The following IQCM variants were observed in gnomAD, a reference collection of about 807,000 sequenced individuals.
IQCM encodes the protein IQ motif containing M.
A neutral mutation model predicts 57.6 loss-of-function variants in IQCM; 45 were observed. The ratio of observed to expected loss-of-function variants is 0.78; its 90% CI spans 0.62 to 1.00. The LOEUF is 1.00. Among genes scored for constraint, IQCM ranks in the 50% least tolerant of loss-of-function variants. The pLI is 0.00. For synonymous variants in IQCM, 148 were observed against 158.9 expected, an observed-to-expected ratio of 0.93 and a Z score of 0.51; for missense variants, 468 against 511.6, an observed-to-expected ratio of 0.91 and a Z score of 0.82.
intron 2 of IQCM, among the ~76,000 whole-genome samples, chr4:149,778,360 A>AG (rs1771300463): frequency 6.6e-6 from 1 of 152,152 alleles, no homozygotes; most frequent in Non-Finnish European, 1.5e-5. Flanking sequence ...TGGAAGACAG[A>AG]GCAAGGCTCT....
chr4:149,637,874 G>A (rs776098410), intron 7 of IQCM, among the ~76,000 whole-genome samples: 5 of 152,078 alleles, frequency 3.3e-5, no homozygotes, highest in Non-Finnish European at 5.9e-5. Context: ...CAAAGCTACC[G>A]AAGAATAACT....
rs1456360325 is a variant in IQCM at position 149,598,531 on chromosome 4, A to G, written c.682-10534T>C. Reference sequence around the variant, plus strand: ...AACAAGTACAAAATGGAAAGAACAAATAAAGGGCAAAAAATGAAATGAAAG... The same window carrying G: ...AACAAGTACAAAATGGAAAGAACAAGTAAAGGGCAAAAAATGAAATGAAAG... On this transcript the variant is annotated intron_variant, in intron 8 of 13. Transcript: ENST00000636793. 8.5e-5 allele frequency among the ~76,000 whole-genome samples: 13 copies of G among 152,278 alleles called. No individual in the cohort carries two copies. The East Asian group carries it at 2.1e-3, about 25-fold the overall frequency.
chr4:149,770,601 A>G (rs1215473014), intron 2 of IQCM, among the ~76,000 whole-genome samples: 2 of 152,090 alleles, frequency 1.3e-5, no homozygotes, highest in Admixed American at 1.3e-4. Context: ...TTCATCCCAT[A>G]ATGCAAATTG....
chr4:149,754,323 C>T (rs932281035), intron 2 of IQCM, among the ~76,000 whole-genome samples: 6 of 152,132 alleles, frequency 3.9e-5, no homozygotes, highest in Middle Eastern at 3.2e-3. Flanking sequence ...CTCCCCGCCC[C>T]GGGGAGTCTT....
At chr4:149,604,678 C>T (rs1754618592) in intron 8 of IQCM, among the ~76,000 whole-genome samples, 1 of 152,112 alleles carries the variant, frequency 6.6e-6, no homozygotes, top group African/African-American at 2.4e-5. Flanking sequence ...CTAATTAGTG[C>T]TAAACCTTCC....
At chr4:149,477,046 T>C (rs1361900076) in intron 12 of IQCM, among the ~76,000 whole-genome samples, 1 of 152,172 alleles carries the variant, frequency 6.6e-6, no homozygotes, top group Non-Finnish European at 1.5e-5. Context: ...CACTGTCCTG[T>C]ATTCTCTTCA....
At chr4:149,427,751 T>G (rs1400640633) in intron 13 of IQCM, among the ~76,000 whole-genome samples, 1 of 151,796 alleles carries the variant, frequency 6.6e-6, no homozygotes, top group Non-Finnish European at 1.5e-5. Flanking sequence ...CCATCAACAA[T>G]TACAATTACC....
rs117512220 is a variant in IQCM, at chr4:149,482,524, C to G, written c.1229-48967G>C. On this transcript the variant is annotated intron_variant, in intron 12 of 13. Coordinates refer to ENST00000636793, the MANE Select transcript of IQCM (RefSeq NM_001363507.2). ...ATTTTATGAAATTCTTTTTTAGAAT[C>G]AATTGAAATGGTCATATGGTTTTGT... Among the ~76,000 whole-genome samples the G allele has an allele frequency of 2.2e-3, 336 of 151,920 alleles. 7 individuals are homozygous for G. The East Asian group carries it at 0.058, about 26-fold the overall frequency.
intron 13 of IQCM, among the ~76,000 whole-genome samples, chr4:149,432,801 T>C (rs1298483326): frequency 6.6e-6 from 1 of 151,956 alleles, no homozygotes; most frequent in Non-Finnish European, 1.5e-5. Flanking sequence ...TAATAAATAA[T>C]ATGAAAATAA....
intron 7 of IQCM, among the ~76,000 whole-genome samples, chr4:149,633,913 T>C (rs1579785761): frequency 6.6e-6 from 1 of 152,322 alleles, no homozygotes; most frequent in East Asian, 1.9e-4. Flanking sequence ...TTCAAAGGAA[T>C]GTGACTATGT....
intron 2 of IQCM, among the ~76,000 whole-genome samples, chr4:149,767,050 T>G (rs1346044590): frequency 6.6e-6 from 1 of 152,082 alleles, no homozygotes; most frequent in Non-Finnish European, 1.5e-5. Flanking sequence ...AAAAGGATCA[T>G]ATTTTATAAA....
chr4:149,764,011 T>C (rs1393187376), intron 2 of IQCM, among the ~76,000 whole-genome samples: 1 of 152,042 alleles, frequency 6.6e-6, no homozygotes, highest in Non-Finnish European at 1.5e-5. Flanking sequence ...ATCCTCAAAT[T>C]ACCTTGTGAA....
chr4:149,621,389 C>T (rs182228049), intron 7 of IQCM, 145 bp from the exon 8 acceptor site: 7 of 402,654 alleles, frequency 1.7e-5, no homozygotes, highest in African/African-American at 8.2e-5. Context: ...GTCATCTAAT[C>T]GTAGAGAAAT....
intron 6 of IQCM, among the ~76,000 whole-genome samples, chr4:149,684,596 C>A (rs1366399848): frequency 6.6e-6 from 1 of 151,242 alleles, no homozygotes; most frequent in Non-Finnish European, 1.5e-5. Flanking sequence ...TCTAATTTCC[C>A]AACTGATTAT....
intron 2 of IQCM, among the ~76,000 whole-genome samples, chr4:149,753,875 T>A (rs1347258555): frequency 6.6e-6 from 1 of 150,940 alleles, no homozygotes; most frequent in Non-Finnish European, 1.5e-5. Flanking sequence ...TATAGAAAAA[T>A]GACATCAATC....
chr4:149,637,687 C>T (rs1478121617), intron 7 of IQCM, among the ~76,000 whole-genome samples: 2 of 152,064 alleles, frequency 1.3e-5, no homozygotes, highest in Non-Finnish European at 2.9e-5. Context: ...TACAAACAGA[C>T]CAATGGAACA....
intron 2 of IQCM, among the ~76,000 whole-genome samples, chr4:149,764,547 G>A (rs779792909): frequency 1.3e-5 from 2 of 152,092 alleles, no homozygotes; most frequent in African/African-American, 4.8e-5. Context: ...AAGCATCACC[G>A]TCTGGCCCCT....
chr4:149,424,112 G>A lies in IQCM; in HGVS notation c.1390+9284C>T, dbSNP rs1482270581. Among the ~76,000 whole-genome samples the A allele has an allele frequency of 4.6e-5, 7 of 151,930 alleles. No homozygotes were observed. In the East Asian group the frequency reaches 1.4e-3, roughly 30 times the overall value. ...GCTGAGAATTACAGTGGGGAATAAG[G>A]ATAAATAAGTGGAATGTTTCTCAAA... On this transcript the variant is annotated intron_variant, in intron 13 of 13. Coordinates refer to ENST00000636793, the MANE Select transcript of IQCM (RefSeq NM_001363507.2).
chr4:149,603,030 A>G (rs1754457771), intron 8 of IQCM, among the ~76,000 whole-genome samples: 1 of 152,144 alleles, frequency 6.6e-6, no homozygotes, highest in African/African-American at 2.4e-5. Flanking sequence ...ATAGTGTACT[A>G]CATTTTGCCA....
Sources: allele counts gnomAD v4.1 joint callset (sites outside exome capture counted in the v4.1 genomes callset), GRCh38; gene constraint gnomAD v4.1.1; transcripts MANE v1.5; gene names NCBI Gene and HGNC (gene_info 2026-07-23, HGNC 2026-07-21).